Variants in KIF1B observed in about 807,000 individuals in gnomAD.
KIF1B encodes kinesin-like protein KIF1B.
Under a neutral mutation model 241.9 loss-of-function variants are expected in KIF1B, and 76 were observed. The ratio of observed to expected loss-of-function variants is 0.31; its 90% CI spans 0.26 to 0.38. The LOEUF is 0.38. KIF1B is among the 10% of genes least tolerant of loss of function. KIF1B has a pLI of 1.00. For synonymous variants in KIF1B, 750 were observed against 796.7 expected, an observed-to-expected ratio of 0.94 and a Z score of 0.99; for missense variants, 1,622 against 2,271.4, an observed-to-expected ratio of 0.71 and a Z score of 5.81.
intron 27 of KIF1B, among the ~76,000 whole-genome samples, chr1:10,330,130 T>C (rs1371606571): frequency 6.6e-6 from 1 of 152,202 alleles, no homozygotes; most frequent in Non-Finnish European, 1.5e-5. Flanking sequence ...CCTGTTCTCC[T>C]TCAGTCTGCT....
At position 10,267,365 on chromosome 1, in the gene KIF1B, C is replaced by G. The variant is rs368307458; in HGVS notation, c.430-15C>G. ...TTCTTTTTCACTCTAATTCACTTTA[C>G]TAATTTGTTCATAGGTGAGCTACAT... On this transcript the variant is annotated splice_polypyrimidine_tract_variant and intron_variant, in intron 5 of 48. Coordinates refer to ENST00000676179, the MANE Select transcript of KIF1B (RefSeq NM_001365951.3). The G allele has an allele frequency of 5.0e-6, 8 of 1,612,394 alleles. No individual in the cohort carries two copies. In the African/African-American group the frequency reaches 8.0e-5, roughly 16 times the overall value.
rs1638965741 is a variant in KIF1B, at chr1:10,379,345, C to A, written c.*2758C>A. On this transcript the variant is annotated 3_prime_UTR_variant, in exon 49 of 49. Transcript: ENST00000676179. Reference sequence around the variant, plus strand: ...TTCATAGCGTGCCTGAATAAGAAGGCCTCTTAGGGAGCCAGAGGGAGCAGA... The same window carrying A: ...TTCATAGCGTGCCTGAATAAGAAGGACTCTTAGGGAGCCAGAGGGAGCAGA... 1 of 231,362 alleles carries A rather than the reference C, an allele frequency of 4.3e-6. No individual in the cohort carries two copies. The highest frequency in any genetic ancestry group is 2.2e-5 in the African/African-American group (1 of 45,218). The allele number at this position is 231,362 out of a possible 1,614,324, so 14.3% of individuals were successfully genotyped here. A position where few individuals can be genotyped will look rare whatever the true frequency, so the allele number is the denominator to read the frequency against.
Position 10,325,168 on chromosome 1 carries a change from G to A in KIF1B, c.2675+273G>A, listed in dbSNP as rs569014201. Reference sequence around the variant, plus strand: ...TACAAAGTGTTCTGTAATTGATTAAGATAAATTTAGAAGGAAAAGAAAACT... The same window carrying A: ...TACAAAGTGTTCTGTAATTGATTAAAATAAATTTAGAAGGAAAAGAAAACT... On this transcript the variant is annotated intron_variant, in intron 26 of 48. Transcript: ENST00000676179. Among the ~76,000 whole-genome samples, 4 of 152,250 alleles carry A rather than the reference G, an allele frequency of 2.6e-5. No individual in the cohort carries two copies. In the South Asian group the frequency reaches 8.3e-4, roughly 32 times the overall value.
chr1:10,288,802 T>C (rs949544139), intron 15 of KIF1B, among the ~76,000 whole-genome samples: 5 of 152,204 alleles, frequency 3.3e-5, no homozygotes, highest in Non-Finnish European at 5.9e-5. Context: ...TTTGAATCTT[T>C]ACTCTTGCTT....
chr1:10,258,502 C>A lies in KIF1B; in HGVS notation c.193C>A (p.Pro65Thr). Residue 65 changes from proline to threonine, a missense_variant, in exon 4 of 49, where the codon CCC (proline) becomes ACC (threonine). Around this residue, in one of 7 missense-constraint regions of KIF1B, gnomAD observed 156 missense variants for 244.8 expected, o/e 0.64. Coordinates refer to ENST00000676179, the MANE Select transcript of KIF1B (RefSeq NM_001365951.3). ...CTTTTACTCTTTACAGCCCGAAGAT[C>A]CCTGTTTTGCATCTCAAAACCGTGT... ...SYWSHTSPED[P>T]CFASQNRVYN... 6.2e-7 allele frequency: 1 copy of A among 1,613,972 alleles called. No individual in the cohort carries two copies.
At chr1:10,304,213 A>C in intron 22 of KIF1B, 1 of 1,614,204 alleles carries the variant, frequency 6.2e-7, no homozygotes, top group Non-Finnish European at 8.5e-7. Context: ...AAAAGGGGGT[A>C]AAGGAGCTTT....
At chr1:10,293,792 A>G (rs1364311160) in intron 17 of KIF1B, among the ~76,000 whole-genome samples, 1 of 152,192 alleles carries the variant, frequency 6.6e-6, no homozygotes, top group Non-Finnish European at 1.5e-5. Context: ...TGGAATTCCA[A>G]AGTGAGATCT....
Position 10,380,219 on chromosome 1 carries a change from C to T in KIF1B, c.*3632C>T, listed in dbSNP as rs1638986912. On this transcript the variant is annotated 3_prime_UTR_variant, in exon 49 of 49. Coordinates refer to ENST00000676179, the MANE Select transcript of KIF1B (RefSeq NM_001365951.3). ...TTTTGTCAGGTCTATGTATATTTATCCAGCTATACTTACTTGCACAGTGGA... is the reference window on the plus strand; with the variant it reads ...TTTTGTCAGGTCTATGTATATTTATTCAGCTATACTTACTTGCACAGTGGA... The T allele has an allele frequency of 4.7e-6, 1 of 213,108 alleles. No individual in the cohort carries two copies. The highest frequency in any genetic ancestry group is 9.5e-6 in the Non-Finnish European group (1 of 105,060). The allele number at this position is 213,108 out of a possible 1,614,324, so 13.2% of individuals were successfully genotyped here. A position where few individuals can be genotyped will look rare whatever the true frequency, so the allele number is the denominator to read the frequency against.
At chr1:10,360,303 C>T (rs1011799911) in intron 38 of KIF1B, among the ~76,000 whole-genome samples, 4 of 152,150 alleles carry the variant, frequency 2.6e-5, no homozygotes, top group African/African-American at 9.7e-5. Context: ...TGTCCATACT[C>T]ACTTATCCAT....
At chr1:10,295,022 C>T in intron 17 of KIF1B, 64 bp from the exon 18 acceptor site, 1 of 1,058,974 alleles carries the variant, frequency 9.4e-7, no homozygotes, top group Non-Finnish European at 1.5e-6. Flanking sequence ...TTGTAGGCCC[C>T]TGTTGTTACC....
chr1:10,261,454 A>G (rs1204751942), intron 4 of KIF1B, among the ~76,000 whole-genome samples: 1 of 151,442 alleles, frequency 6.6e-6, no homozygotes, highest in Non-Finnish European at 1.5e-5. Context: ...ATGTTGGCCA[A>G]GATGTTCTCG....
intron 34 of KIF1B, among the ~76,000 whole-genome samples, chr1:10,344,408 A>G (rs1177493610): frequency 1.3e-5 from 2 of 152,228 alleles, no homozygotes; most frequent in Admixed American, 1.3e-4. Flanking sequence ...AGCTGAATGT[A>G]GAGCTCAGCA....
chr1:10,323,753 A>G, intron 24 of KIF1B, 131 bp from the exon 25 acceptor site: 1 of 719,304 alleles, frequency 1.4e-6, no homozygotes, highest in African/African-American at 1.8e-5. Flanking sequence ...CATATTTTTC[A>G]GTAGAAAGTT....
At chr1:10,221,972 T>C (rs1646851246) in intron 1 of KIF1B, among the ~76,000 whole-genome samples, 1 of 152,144 alleles carries the variant, frequency 6.6e-6, no homozygotes, top group African/African-American at 2.4e-5. Flanking sequence ...TGTGCCACCA[T>C]GCCTGGCTAA....
At chr1:10,318,815 C>T (rs1286240089) in intron 22 of KIF1B, among the ~76,000 whole-genome samples, 1 of 152,062 alleles carries the variant, frequency 6.6e-6, no homozygotes, top group Non-Finnish European at 1.5e-5. Flanking sequence ...CTTTCTTAAC[C>T]CTACTTATTT....
In KIF1B at chr1:10,232,430, G is replaced by T. The variant is rs1646995202; in HGVS notation, c.102G>T (p.Ser34=). 1.2e-6 allele frequency: 2 copies of T among 1,605,092 alleles called. No individual in the cohort carries two copies. The highest frequency in any genetic ancestry group is 1.3e-5 in the African/African-American group (1 of 74,758). Reference sequence around the variant, plus strand: ...GCATCATTCAGATGCAAGGCAACTCGACCAGTGAGTACATGTTGTTTTCTC... The same window carrying T: ...GCATCATTCAGATGCAAGGCAACTCTACCAGTGAGTACATGTTGTTTTCTC... ...SKCIIQMQGN[S]TSIINPKNPK... is the part of the protein sequence containing the mutation. The change falls in exon 2 of 49, where the codon TCG becomes TCT. Residue 34 remains serine, a synonymous_variant. Coordinates refer to ENST00000676179, the MANE Select transcript of KIF1B (RefSeq NM_001365951.3).
intron 2 of KIF1B, among the ~76,000 whole-genome samples, chr1:10,236,160 T>C (rs928689702): frequency 6.6e-6 from 1 of 151,802 alleles, no homozygotes; most frequent in Non-Finnish European, 1.5e-5. Context: ...TAGTCCCAGC[T>C]ACTCAGGAGG....
At chr1:10,293,974 A>G (rs2102252921) in intron 17 of KIF1B, among the ~76,000 whole-genome samples, 1 of 152,308 alleles carries the variant, frequency 6.6e-6, no homozygotes, top group East Asian at 1.9e-4. Context: ...GCTACTCACA[A>G]AGGGCTTTGA....
chr1:10,320,080 T>C lies in KIF1B; in HGVS notation c.2153T>C (p.Val718Ala). The change falls in exon 23 of 49, where the codon GTT (valine) becomes GCT (alanine). Residue 718 changes from valine (V) to alanine (A), a missense_variant. By Grantham distance (64) the Val-to-Ala change is moderately conservative. Transcript: ENST00000676179. ...ESKLQALQKQ[V>A]ETRSLAAETT... ...AAATTGCAGGCCTTGCAGAAGCAGG[T>C]TGAAACCCGATCTCTGGCTGCAGAA... The C allele has an allele frequency of 6.2e-7, 1 of 1,613,858 alleles. No homozygotes were observed. Among genetic ancestry groups the C allele is most frequent in the South Asian group, 1.1e-5 (1 of 91,080 alleles).
Sources: allele counts gnomAD v4.1 joint callset (sites outside exome capture counted in the v4.1 genomes callset), GRCh38; gene constraint gnomAD v4.1.1; regional missense constraint gnomAD v4.1.1; transcripts MANE v1.5; gene names NCBI Gene and HGNC (gene_info 2026-07-23, HGNC 2026-07-21).